Variants in LENG9 observed in about 807,000 individuals in gnomAD.
LENG9 encodes the protein leukocyte receptor cluster member 9.
For synonymous variants in LENG9, 410 were observed against 303.9 expected, an observed-to-expected ratio of 1.35 and a Z score of -3.63; for missense variants, 872 against 652.7, an observed-to-expected ratio of 1.34 and a Z score of -3.66.
In LENG9 at chr19:54,462,415, G is replaced by A. The variant is rs369208422; in HGVS notation, c.1112C>T (p.Ala371Val). 2.6e-5 allele frequency: 42 copies of A among 1,613,310 alleles called. No homozygotes were observed. The highest frequency in any genetic ancestry group is 1.1e-4 in the African/African-American group (8 of 74,938). Reference protein sequence around the residue: ...RRALLAPGLNAPPRLSFRKLV... With the variant: ...RRALLAPGLNVPPRLSFRKLV... ...CTTTCTAAAGCTCAGCCGAGGGGGT[G>A]CATTTAGCCCCGGGGCCAAGAGGGC... The change falls in exon 1 of 1, where the codon GCA becomes GTA. Residue 371 changes from alanine (A) to valine (V), a missense_variant. Physicochemically the swap from Ala to Val is moderately conservative, Grantham distance 64 (BLOSUM62 0). Coordinates refer to ENST00000611161, the MANE Select transcript of LENG9 (RefSeq NM_001301782.2).
rs2084608743 is a variant in LENG9, at chr19:54,462,290, T to C, written c.1237A>G (p.Ser413Gly). ...AGCTGCCCTGGAGACTGTAGTGTAC[T>C]CAGCCCCTCGGCTTCCAGCCTCTGG... ...LSQRLEAEGL[S>G]TLQSPGQLHP... Residue 413 changes from serine (S) to glycine (G), a missense_variant, in exon 1 of 1, where the codon AGT (serine) becomes GGT (glycine). Coordinates refer to ENST00000611161, the MANE Select transcript of LENG9 (RefSeq NM_001301782.2). 6.2e-7 allele frequency: 1 copy of C among 1,603,228 alleles called. No homozygotes were observed. Among genetic ancestry groups the C allele is most frequent in the Non-Finnish European group, 8.5e-7 (1 of 1,173,242 alleles).
chr19:54,462,859 G>T lies in LENG9; in HGVS notation c.668C>A (p.Ala223Asp), dbSNP rs1226378465. 9 of 1,612,596 alleles carry T rather than the reference G, an allele frequency of 5.6e-6. No homozygotes were observed. Among genetic ancestry groups the T allele is most frequent in the Non-Finnish European group, 6.8e-6 (8 of 1,179,976 alleles). ...AAQERALGTA[A>D]DLGTLAPRGR... ...TCTTGGGGCCAGTGTTCCCAAATCAGCAGCTGTGCCCAGCGCCCTCTCCTG... is the reference window on the plus strand; with the variant it reads ...TCTTGGGGCCAGTGTTCCCAAATCATCAGCTGTGCCCAGCGCCCTCTCCTG... Residue 223 changes from alanine (A) to aspartate (D), a missense_variant, in exon 1 of 1, where the codon GCT (alanine) becomes GAT (aspartate). Coordinates refer to ENST00000611161, the MANE Select transcript of LENG9 (RefSeq NM_001301782.2).
Position 54,463,554 on chromosome 19 carries a change from C to T in LENG9, c.-28G>A, listed in dbSNP as rs577460012. On this transcript the variant is annotated 5_prime_UTR_variant, in exon 1 of 1. Coordinates refer to ENST00000611161, the MANE Select transcript of LENG9 (RefSeq NM_001301782.2). ...GTGCGGGGAACTGGCACGCCCGCCGCGCAGACGAGGTCGCCCCGCACGGAG... is the reference window on the plus strand; with the variant it reads ...GTGCGGGGAACTGGCACGCCCGCCGTGCAGACGAGGTCGCCCCGCACGGAG... 6 of 1,384,128 alleles carry T rather than the reference C, an allele frequency of 4.3e-6. No homozygotes were observed. The African/African-American group carries it at 9.0e-5, about 21-fold the overall frequency. 85.7% of individuals were successfully genotyped at this position (1,384,128 alleles called of 1,614,324 possible). A position where few individuals can be genotyped will look rare whatever the true frequency, so the allele number is the denominator to read the frequency against.
rs145274500 is a variant in LENG9, at chr19:54,462,044, G to C, written c.*46C>G. ...TGCACGCTCCTGCTTTGTCTTTCCTGTGTGGGCTGTTTGCATCCATTGTCT... is the reference window on the plus strand; with the variant it reads ...TGCACGCTCCTGCTTTGTCTTTCCTCTGTGGGCTGTTTGCATCCATTGTCT... On this transcript the variant is annotated 3_prime_UTR_variant, in exon 1 of 1. Coordinates refer to ENST00000611161, the MANE Select transcript of LENG9 (RefSeq NM_001301782.2). The C allele has an allele frequency of 4.0e-5, 61 of 1,530,234 alleles. No homozygotes were observed. Among genetic ancestry groups the C allele is most frequent in the Non-Finnish European group, 4.8e-5 (55 of 1,138,356 alleles). The allele number at this position is 1,530,234 out of a possible 1,614,324, so 94.8% of individuals were successfully genotyped here. A position where few individuals can be genotyped will look rare whatever the true frequency, so the allele number is the denominator to read the frequency against.
rs1383125605 is a variant in LENG9, at chr19:54,463,540, T to C, written c.-14A>G. On this transcript the variant is annotated 5_prime_UTR_variant, in exon 1 of 1. Coordinates refer to ENST00000611161, the MANE Select transcript of LENG9 (RefSeq NM_001301782.2). ...GGCCGCTGCCATGGGTGCGGGGAACTGGCACGCCCGCCGCGCAGACGAGGT... is the reference window on the plus strand; with the variant it reads ...GGCCGCTGCCATGGGTGCGGGGAACCGGCACGCCCGCCGCGCAGACGAGGT... 5.8e-6 allele frequency: 8 copies of C among 1,388,430 alleles called. No homozygotes were observed. The highest frequency in any genetic ancestry group is 7.5e-6 in the Non-Finnish European group (8 of 1,066,860). The allele number at this position is 1,388,430 out of a possible 1,614,324, so 86.0% of individuals were successfully genotyped here.
Position 54,463,176 on chromosome 19 carries a change from C to A in LENG9, c.351G>T (p.Val117=). 6.3e-7 allele frequency: 1 copy of A among 1,578,302 alleles called. No individual in the cohort carries two copies. The highest frequency in any genetic ancestry group is 2.3e-5 in the East Asian group (1 of 43,542). The change falls in exon 1 of 1, where the codon GTG becomes GTT. Residue 117 remains valine (V), a synonymous_variant. Transcript: ENST00000611161. Reference sequence around the variant, plus strand: ...GCACGCGGTGCTGGGGCACTGCCAGCACGCCCGGCCCGAGCGCCGCCAGCG... The same window carrying A: ...GCACGCGGTGCTGGGGCACTGCCAGAACGCCCGGCCCGAGCGCCGCCAGCG... ...DQPLAALGPG[V]LAVPQHRVRF... is the part of the protein sequence containing the mutation.
rs910213664 is a variant in LENG9 at position 54,463,506 on chromosome 19, C to T, written c.21G>A (p.Pro7=). The T allele has an allele frequency of 6.6e-5, 89 of 1,343,324 alleles. No individual in the cohort carries two copies. Among genetic ancestry groups the T allele is most frequent in the Non-Finnish European group, 7.8e-5 (82 of 1,044,856 alleles). 83.2% of individuals were successfully genotyped at this position (1,343,324 alleles called of 1,614,324 possible). ...TGGCGGGGGCTTCCTGCGGCAACTC[C>T]GGCTCTCTGGCCGCTGCCATGGGTG... The part of the protein sequence containing the change: MAAARE[P]ELPQEAPATE... Residue 7 remains proline, a synonymous_variant, in exon 1 of 1, where the codon CCG becomes CCA. Coordinates refer to ENST00000611161, the MANE Select transcript of LENG9 (RefSeq NM_001301782.2).
At position 54,462,435 on chromosome 19, in the gene LENG9, G is replaced by C. The variant is rs754572904; in HGVS notation, c.1092C>G (p.Leu364=). Residue 364 remains leucine, a synonymous_variant, in exon 1 of 1, where the codon CTC becomes CTG. Transcript: ENST00000611161. ...AAAIGALRRA[L]LAPGLNAPPR... is the part of the protein sequence containing the mutation. ...GGGGTGCATTTAGCCCCGGGGCCAA[G>C]AGGGCCCGTCTCAGAGCTCCAATGG... The C allele has an allele frequency of 6.3e-5, 102 of 1,613,428 alleles. No homozygotes were observed. The highest frequency in any genetic ancestry group is 7.7e-5 in the Non-Finnish European group (91 of 1,179,978).
At position 54,461,884 on chromosome 19, in the gene LENG9, T is replaced by C; in HGVS notation, c.*206A>G. On this transcript the variant is annotated 3_prime_UTR_variant, in exon 1 of 1. Transcript: ENST00000611161. ...ACAGCTGGACTGTCAGGCTGCTTTT[T>C]TTCCAGATGTTCCTCCTCTGCCTCC... 1 of 762,124 alleles carries C rather than the reference T, an allele frequency of 1.3e-6. No homozygotes were observed. Among genetic ancestry groups the C allele is most frequent in the Non-Finnish European group, 2.4e-6 (1 of 420,714 alleles). 47.2% of individuals were successfully genotyped at this position (762,124 alleles called of 1,614,324 possible).
chr19:54,463,180 C>T lies in LENG9; in HGVS notation c.347G>A (p.Gly116Asp). The T allele has an allele frequency of 1.9e-6, 3 of 1,575,916 alleles. No individual in the cohort carries two copies. The South Asian group carries it at 3.4e-5, about 18-fold the overall frequency. ...GCGGTGCTGGGGCACTGCCAGCACGCCCGGCCCGAGCGCCGCCAGCGGCTG... is the reference window on the plus strand; with the variant it reads ...GCGGTGCTGGGGCACTGCCAGCACGTCCGGCCCGAGCGCCGCCAGCGGCTG... The part of the protein sequence containing the change: ...WDQPLAALGP[G>D]VLAVPQHRVR... Residue 116 changes from glycine to aspartate, a missense_variant, in exon 1 of 1, where the codon GGC becomes GAC. By Grantham distance (94) the Gly-to-Asp change is moderately conservative (BLOSUM62 -1). Transcript: ENST00000611161.
Position 54,463,384 on chromosome 19 carries a change from G to A in LENG9, c.143C>T (p.Pro48Leu), listed in dbSNP as rs1390398696. 11 of 1,294,054 alleles carry A rather than the reference G, an allele frequency of 8.5e-6. No individual in the cohort carries two copies. The highest frequency in any genetic ancestry group is 1.1e-5 in the Non-Finnish European group (11 of 1,024,650). 80.2% of individuals were successfully genotyped at this position (1,294,054 alleles called of 1,614,324 possible). ...CTCCGGCTGCGCCTCGCGGCCAGGCGGCGCCGGCGCCCCAGGGTGGGGCTG... is the reference window on the plus strand; with the variant it reads ...CTCCGGCTGCGCCTCGCGGCCAGGCAGCGCCGGCGCCCCAGGGTGGGGCTG... The part of the protein sequence containing the change: ...CRQPHPGAPA[P>L]PGREAQPEAG... The change falls in exon 1 of 1, where the codon CCG (proline) becomes CTG (leucine). Residue 48 changes from proline to leucine, a missense_variant. Coordinates refer to ENST00000611161, the MANE Select transcript of LENG9 (RefSeq NM_001301782.2).
At position 54,462,859 on chromosome 19, in the gene LENG9, G is replaced by A. The variant is rs1226378465; in HGVS notation, c.668C>T (p.Ala223Val). 1 of 1,612,714 alleles carries A rather than the reference G, an allele frequency of 6.2e-7. No homozygotes were observed. Among genetic ancestry groups the A allele is most frequent in the Non-Finnish European group, 8.5e-7 (1 of 1,179,968 alleles). Residue 223 changes from alanine (A) to valine (V), a missense_variant, in exon 1 of 1, where the codon GCT becomes GTT. By Grantham distance (64) the Ala-to-Val change is moderately conservative (BLOSUM62 0). Coordinates refer to ENST00000611161, the MANE Select transcript of LENG9 (RefSeq NM_001301782.2). ...TCTTGGGGCCAGTGTTCCCAAATCA[G>A]CAGCTGTGCCCAGCGCCCTCTCCTG... Reference protein sequence around the residue: ...AAQERALGTAADLGTLAPRGR... With the variant: ...AAQERALGTAVDLGTLAPRGR...
Position 54,463,583 on chromosome 19 carries a change from G to T in LENG9, c.-57C>A. 1 of 1,341,984 alleles carries T rather than the reference G, an allele frequency of 7.5e-7. No homozygotes were observed. Among genetic ancestry groups the T allele is most frequent in the Non-Finnish European group, 9.6e-7 (1 of 1,038,946 alleles). 83.1% of individuals were successfully genotyped at this position (1,341,984 alleles called of 1,614,324 possible). A position where few individuals can be genotyped will look rare whatever the true frequency, so the allele number is the denominator to read the frequency against. On this transcript the variant is annotated 5_prime_UTR_variant, in exon 1 of 1. Coordinates refer to ENST00000611161, the MANE Select transcript of LENG9 (RefSeq NM_001301782.2). ...GACGAGGTCGCCCCGCACGGAGGGC[G>T]GCTCCCCTTGGATGCACCGAGCCTC...
rs1555996534 is a variant in LENG9, at chr19:54,463,193, C to T, written c.334G>A (p.Ala112Thr). ...SAFCWDQPLA[A>T]LGPGVLAVPQ... Reference sequence around the variant, plus strand: ...ACTGCCAGCACGCCCGGCCCGAGCGCCGCCAGCGGCTGGTCCCAGCAAAAG... The same window carrying T: ...ACTGCCAGCACGCCCGGCCCGAGCGTCGCCAGCGGCTGGTCCCAGCAAAAG... Residue 112 changes from alanine (A) to threonine (T), a missense_variant, in exon 1 of 1, where the codon GCG becomes ACG. By Grantham distance (58) the Ala-to-Thr change is moderately conservative. Transcript: ENST00000611161. 6.4e-7 allele frequency: 1 copy of T among 1,565,048 alleles called. No individual in the cohort carries two copies. Among genetic ancestry groups the T allele is most frequent in the Non-Finnish European group, 8.6e-7 (1 of 1,161,978 alleles).
In LENG9 at chr19:54,462,056, T is replaced by C. The variant is rs374014943; in HGVS notation, c.*34A>G. Reference sequence around the variant, plus strand: ...CTTTGTCTTTCCTGTGTGGGCTGTTTGCATCCATTGTCTCCTCCAGAGGTC... The same window carrying C: ...CTTTGTCTTTCCTGTGTGGGCTGTTCGCATCCATTGTCTCCTCCAGAGGTC... On this transcript the variant is annotated 3_prime_UTR_variant, in exon 1 of 1. Coordinates refer to ENST00000611161, the MANE Select transcript of LENG9 (RefSeq NM_001301782.2). The C allele has an allele frequency of 2.6e-6, 4 of 1,540,306 alleles. No homozygotes were observed. The highest frequency in any genetic ancestry group is 1.3e-5 in the South Asian group (1 of 79,420).
rs775377747 is a variant in LENG9, at chr19:54,462,838, G to C, written c.689C>G (p.Pro230Arg). ...GTAADLGTLA[P>R]RGRLAGVTEA... ...AGTCACTCCGGCGAGGCGTCCTCTTGGGGCCAGTGTTCCCAAATCAGCAGC... is the reference window on the plus strand; with the variant it reads ...AGTCACTCCGGCGAGGCGTCCTCTTCGGGCCAGTGTTCCCAAATCAGCAGC... The change falls in exon 1 of 1, where the codon CCA (proline) becomes CGA (arginine). Residue 230 changes from proline (P) to arginine (R), a missense_variant. Pro to Arg is a moderately radical substitution (Grantham distance 103). Transcript: ENST00000611161. The C allele has an allele frequency of 1.9e-6, 3 of 1,612,374 alleles. No homozygotes were observed. The highest frequency in any genetic ancestry group is 4.5e-5 in the East Asian group (2 of 44,822).
At position 54,462,219 on chromosome 19, in the gene LENG9, G is replaced by A. The variant is rs940692165; in HGVS notation, c.1308C>T (p.Val436=). The A allele has an allele frequency of 6.2e-7, 1 of 1,613,652 alleles. No individual in the cohort carries two copies. Among genetic ancestry groups the A allele is most frequent in the Non-Finnish European group, 8.5e-7 (1 of 1,179,750 alleles). ...TVAKVPHGSQ[V]HLPKLEFTLS... is the part of the protein sequence containing the mutation. ...GGGTGAACTCCAGCTTGGGGAGGTG[G>A]ACCTGGGAACCATGGGGCACCTTGG... Residue 436 remains valine, a synonymous_variant, in exon 1 of 1, where the codon GTC becomes GTT. Transcript: ENST00000611161.
chr19:54,462,174 G>C lies in LENG9; in HGVS notation c.1353C>G (p.Cys451Trp). 1 of 1,612,412 alleles carries C rather than the reference G, an allele frequency of 6.2e-7. No individual in the cohort carries two copies. Among genetic ancestry groups the C allele is most frequent in the Non-Finnish European group, 8.5e-7 (1 of 1,179,028 alleles). The change falls in exon 1 of 1, where the codon TGC (cysteine) becomes TGG (tryptophan). Residue 451 changes from cysteine (C) to tryptophan (W), a missense_variant. Physicochemically the swap from Cys to Trp is radical, Grantham distance 215 (BLOSUM62 -2). Coordinates refer to ENST00000611161, the MANE Select transcript of LENG9 (RefSeq NM_001301782.2). ...LEFTLSQEVG[C>W]QPLQTLWLCR... Reference sequence around the variant, plus strand: ...ACAGCCAGAGTGTCTGCAGGGGCTGGCACCCCACTTCCTGGCTGAGGGTGA... The same window carrying C: ...ACAGCCAGAGTGTCTGCAGGGGCTGCCACCCCACTTCCTGGCTGAGGGTGA...
rs2084605430 is a variant in LENG9 at position 54,462,232 on chromosome 19, T to TG, written c.1294dup (p.His432ProfsTer43). On this transcript the variant is annotated frameshift_variant, in exon 1 of 1. Coordinates refer to ENST00000611161, the MANE Select transcript of LENG9 (RefSeq NM_001301782.2). LOFTEE classifies it low-confidence loss of function (END_TRUNC). ...CTTGGGGAGGTGGACCTGGGAACCA[T>TG]GGGGCACCTTGGCCACGGTGAGGTG... The TG allele has an allele frequency of 6.2e-7, 1 of 1,613,266 alleles. No homozygotes were observed. The highest frequency in any genetic ancestry group is 8.5e-7 in the Non-Finnish European group (1 of 1,179,538).
Sources: allele counts gnomAD v4.1 joint callset, GRCh38; gene constraint gnomAD v4.1.1; transcripts MANE v1.5; gene names NCBI Gene and HGNC (gene_info 2026-07-23, HGNC 2026-07-21).